ST3GAL2: variants seen among roughly 807,000 people sequenced by gnomAD.
ST3GAL2 encodes CMP-N-acetylneuraminate-beta-galactosamide-alpha-2,3-sialyltransferase 2.
In ST3GAL2, 16 loss-of-function variants were observed where a neutral mutation model predicts 37.5. The observed-to-expected ratio is 0.43, with a 90% CI of 0.29 to 0.65. ST3GAL2 has a LOEUF of 0.65. Ranked by LOEUF, ST3GAL2 falls within the 30% of genes least tolerant of loss-of-function variation. The pLI is 0.17. For synonymous variants in ST3GAL2, 238 were observed against 202.9 expected (o/e 1.17, Z -1.47); for missense variants, 383 against 487.8 (o/e 0.79, Z 2.02).
At chr16:70,416,036 A>C (rs1223336833) in intron 1 of ST3GAL2, among the ~76,000 whole-genome samples, 3 of 151,708 alleles carry the variant, frequency 2.0e-5, no homozygotes, top group Non-Finnish European at 1.5e-5. Context: ...TCGGCCTCCC[A>C]AAGTGCTGTG....
chr16:70,395,090 C>A lies in ST3GAL2; in HGVS notation c.425G>T (p.Arg142Leu). The A allele has an allele frequency of 6.2e-7, 1 of 1,613,956 alleles. No individual in the cohort carries two copies. Among genetic ancestry groups the A allele is most frequent in the Non-Finnish European group, 8.5e-7 (1 of 1,179,962 alleles). Residue 142 changes from arginine (R) to leucine (L), a missense_variant, in exon 3 of 7, where the codon CGC (arginine) becomes CTC (leucine). Physicochemically the swap from Arg to Leu is moderately radical, Grantham distance 102. This residue lies in a region of ST3GAL2 where 223 missense variants were observed against 239.1 expected (regional missense o/e 0.93). Coordinates refer to ENST00000342907, the MANE Select transcript of ST3GAL2 (RefSeq NM_006927.4). ...FQIVPGENPY[R>L]FRDPHQCRRC... ...CCGGCACTGGTGGGGGTCCCGGAAG[C>A]GGTAGGGGTTCTCGCCAGGCACTAT...
Position 70,376,600 on chromosome 16 carries a change from G to C in ST3GAL2, c.*5089C>G, listed in dbSNP as rs187587287. 24 of 152,234 alleles carry C rather than the reference G, an allele frequency of 1.6e-4. No homozygotes were observed. Among genetic ancestry groups the C allele is most frequent in the Middle Eastern group, 3.4e-3 (1 of 294 alleles). 9.4% of individuals were successfully genotyped at this position (152,234 alleles called of 1,614,324 possible). A position where few individuals can be genotyped will look rare whatever the true frequency, so the allele number is the denominator to read the frequency against. ...TTTTTTTCACAAAAGTAGTGAGAAG[G>C]GGCATTGATTCCTAATTCACACTCA... On this transcript the variant is annotated 3_prime_UTR_variant, in exon 7 of 7. Coordinates refer to ENST00000342907, the MANE Select transcript of ST3GAL2 (RefSeq NM_006927.4).
chr16:70,410,501 C>T (rs929300963), intron 1 of ST3GAL2, among the ~76,000 whole-genome samples: 2 of 151,656 alleles, frequency 1.3e-5, no homozygotes, highest in African/African-American at 4.8e-5. Flanking sequence ...GATCTGCCTG[C>T]GTCGGCCTCC....
At chr16:70,408,890 C>CAAGAAAAAAAA (rs2047613050) in intron 1 of ST3GAL2, among the ~76,000 whole-genome samples, 1 of 59,854 alleles carries the variant, frequency 1.7e-5, no homozygotes, top group African/African-American at 5.2e-5. Context: ...CTCAAAGAAA[C>CAAGAAAAAAAA]AAAAAAAAAA....
rs377310252 is a variant in ST3GAL2 at position 70,417,816 on chromosome 16, G to A, written c.-1003-18283C>T. Among the ~76,000 whole-genome samples the A allele has an allele frequency of 1.1e-3, 169 of 152,160 alleles. 2 individuals are homozygous for A. The highest frequency in any genetic ancestry group is 4.0e-3 in the African/African-American group (165 of 41,502). Reference sequence around the variant, plus strand: ...GTATGGGGTGGCATGGCGTGGCTGGGGGGGCGGGGGGAATGTTAGAAGTTC... The same window carrying A: ...GTATGGGGTGGCATGGCGTGGCTGGAGGGGCGGGGGGAATGTTAGAAGTTC... On this transcript the variant is annotated intron_variant, in intron 1 of 6. Transcript: ENST00000342907.
chr16:70,409,487 G>A (rs537991402), intron 1 of ST3GAL2, among the ~76,000 whole-genome samples: 2 of 152,256 alleles, frequency 1.3e-5, no homozygotes, highest in South Asian at 4.1e-4. Context: ...GGGATTACAG[G>A]CATGCGCCAC....
Position 70,381,474 on chromosome 16 carries a change from T to C in ST3GAL2, c.*215A>G. ...CTGGACACAGCGCCGGAAGTTTTCC[T>C]TGAGTCACATGATTGGCTGGGAGAA... On this transcript the variant is annotated 3_prime_UTR_variant, in exon 7 of 7. Transcript: ENST00000342907. 1.6e-6 allele frequency: 1 copy of C among 611,038 alleles called. No individual in the cohort carries two copies. Among genetic ancestry groups the C allele is most frequent in the Non-Finnish European group, 2.8e-6 (1 of 355,216 alleles). The allele number at this position is 611,038 out of a possible 1,614,324, so 37.9% of individuals were successfully genotyped here.
At chr16:70,415,429 C>A (rs750812557) in intron 1 of ST3GAL2, among the ~76,000 whole-genome samples, 1 of 152,214 alleles carries the variant, frequency 6.6e-6, no homozygotes, top group Non-Finnish European at 1.5e-5. Context: ...GAGGGATACA[C>A]CCTCTTGTAA....
chr16:70,385,580 G>A (rs1257203616), intron 4 of ST3GAL2, among the ~76,000 whole-genome samples: 1 of 151,696 alleles, frequency 6.6e-6, no homozygotes, highest in Non-Finnish European at 1.5e-5. Context: ...TGGTGAGACA[G>A]AGTAGATTAA....
At position 70,398,896 on chromosome 16, in the gene ST3GAL2, CCT is replaced by C. The variant is rs1357859125; in HGVS notation, c.-368_-367del. The C allele has an allele frequency of 2.1e-6, 1 of 465,670 alleles. No individual in the cohort carries two copies. Among genetic ancestry groups the C allele is most frequent in the Non-Finnish European group, 3.8e-6 (1 of 265,854 alleles). The allele number at this position is 465,670 out of a possible 1,614,324, so 28.8% of individuals were successfully genotyped here. A position where few individuals can be genotyped will look rare whatever the true frequency, so the allele number is the denominator to read the frequency against. The stretch of plus-strand genomic sequence containing the variant: ...GCTGGCTGCCAGCTCTAGGGGTCCC[CCT>C]CTTTGGCGGCTTGAAATAATCCAGT... On this transcript the variant is annotated 5_prime_UTR_variant, in exon 2 of 7. The change abolishes the stop of an existing upstream ORF in the 5' untranslated region. Transcript: ENST00000342907.
chr16:70,410,358 C>T (rs1403238581), intron 1 of ST3GAL2, among the ~76,000 whole-genome samples: 1 of 143,628 alleles, frequency 7.0e-6, no homozygotes, highest in East Asian at 2.2e-4. Context: ...TTATGCCATT[C>T]TCCTGCCTCA....
At chr16:70,422,548 G>A (rs1023652427) in intron 1 of ST3GAL2, among the ~76,000 whole-genome samples, 1 of 152,214 alleles carries the variant, frequency 6.6e-6, no homozygotes, top group Non-Finnish European at 1.5e-5. Flanking sequence ...AGACACAGGA[G>A]TGAGAGGCTC....
At chr16:70,413,788 A>AAATAAATG (rs1176047333) in intron 1 of ST3GAL2, among the ~76,000 whole-genome samples, 2 of 149,112 alleles carry the variant, frequency 1.3e-5, no homozygotes, top group African/African-American at 2.5e-5. Context: ...ATAAATAAAT[A>AAATAAATG]AAAGCTTTAG....
intron 1 of ST3GAL2, among the ~76,000 whole-genome samples, chr16:70,402,218 G>A (rs1463964190): frequency 7.1e-6 from 1 of 140,722 alleles, no homozygotes; most frequent in Non-Finnish European, 1.5e-5. Context: ...AGAATCGCTT[G>A]AACCCAGGAG....
chr16:70,399,694 C>G lies in ST3GAL2; in HGVS notation c.-1003-161G>C, dbSNP rs372275541. The G allele has an allele frequency of 8.3e-4, 302 of 364,492 alleles. 2 individuals carry two copies. Among genetic ancestry groups the G allele is most frequent in the African/African-American group, 5.8e-3 (278 of 48,136 alleles). 22.6% of individuals were successfully genotyped at this position (364,492 alleles called of 1,614,324 possible). On this transcript the variant is annotated intron_variant, in intron 1 of 6. Transcript: ENST00000342907. ...CTCTGCCCTCTAGCTGCACAGATAG[C>G]ATCACTGTGTGGGACTCCAGGGCCT...
intron 3 of ST3GAL2, among the ~76,000 whole-genome samples, chr16:70,388,858 T>C (rs957145558): frequency 6.8e-6 from 1 of 146,002 alleles, no homozygotes; most frequent in African/African-American, 2.5e-5. Flanking sequence ...AGGTCAGGAG[T>C]TCGAGACCAG....
chr16:70,400,190 C>T (rs966631991), intron 1 of ST3GAL2: 1 of 152,298 alleles, frequency 6.6e-6, no homozygotes, highest in East Asian at 1.9e-4. Flanking sequence ...TGAATGCCAG[C>T]GTCCCTGGTA....
intron 1 of ST3GAL2, among the ~76,000 whole-genome samples, chr16:70,411,372 T>A (rs2151670069): frequency 6.7e-6 from 1 of 149,854 alleles, no homozygotes; most frequent in South Asian, 2.1e-4. Context: ...TGACAGTGAT[T>A]GCAATAAAAA....
At chr16:70,434,354 T>C (rs188623861) in intron 1 of ST3GAL2, among the ~76,000 whole-genome samples, 28 of 152,042 alleles carry the variant, frequency 1.8e-4, no homozygotes, top group African/African-American at 4.8e-4. Flanking sequence ...TGAGAGTCGC[T>C]TGAACCCAGG....
Sources: gnomAD v4.1 joint callset for allele counts (sites outside exome capture counted in the v4.1 genomes callset) on GRCh38, gnomAD v4.1.1 for gene constraint, gnomAD v4.1.1 regional missense constraint, MANE v1.5 for transcripts, NCBI Gene and HGNC (gene_info 2026-07-23, HGNC 2026-07-21) for gene names.